THSD7B: variants seen among roughly 807,000 people sequenced by gnomAD.
The protein encoded by THSD7B is thrombospondin type 1 domain containing 7B, also known as thrombospondin type-1 domain-containing protein 7B.
A neutral mutation model predicts 213.6 loss-of-function variants in THSD7B; 138 were observed. The ratio of observed to expected loss-of-function variants is 0.65; its 90% CI spans 0.56 to 0.74. THSD7B has a LOEUF of 0.74. Ranked by LOEUF, THSD7B falls within the 30% of genes least tolerant of loss-of-function variation. The probability of loss-of-function intolerance (pLI) is 0.00; values close to 1 mark genes in which losing one functional copy is unlikely to be tolerated. For synonymous variants in THSD7B, 742 were observed against 687.0 expected (o/e 1.08, Z -1.25); for missense variants, 1,931 against 1,991.5 (o/e 0.97, Z 0.58).
chr2:136,950,873 AC>A (rs1441779353), intron 2 of THSD7B, among the ~76,000 whole-genome samples: 2 of 152,174 alleles, frequency 1.3e-5, no homozygotes, highest in African/African-American at 4.8e-5. Flanking sequence ...GGAAGAAAGG[AC>A]CAAATCAATA....
chr2:137,289,164 G>A (rs1446740448), intron 12 of THSD7B, among the ~76,000 whole-genome samples: 1 of 151,832 alleles, frequency 6.6e-6, no homozygotes, highest in Non-Finnish European at 1.5e-5. Flanking sequence ...AGTATTACAA[G>A]ACATGTTTTT....
intron 1 of THSD7B, among the ~76,000 whole-genome samples, chr2:136,824,583 C>T (rs543839631): frequency 3.9e-5 from 6 of 152,142 alleles, no homozygotes; most frequent in South Asian, 2.1e-4. Context: ...ATGTTACTTG[C>T]GAAATATTTT....
chr2:137,373,862 A>T (rs1222029325), intron 12 of THSD7B, among the ~76,000 whole-genome samples: 1 of 152,120 alleles, frequency 6.6e-6, no homozygotes, highest in Non-Finnish European at 1.5e-5. Flanking sequence ...ATCCATCTTG[A>T]ATTAATTTTT....
intron 12 of THSD7B, among the ~76,000 whole-genome samples, chr2:137,281,938 C>A (rs1683031314): frequency 6.6e-6 from 1 of 152,170 alleles, no homozygotes; most frequent in Middle Eastern, 3.2e-3. Context: ...ATGGCTGGGT[C>A]AAATGGTATT....
chr2:137,320,629 G>A (rs1454195448), intron 12 of THSD7B, among the ~76,000 whole-genome samples: 1 of 152,160 alleles, frequency 6.6e-6, no homozygotes, highest in Non-Finnish European at 1.5e-5. Flanking sequence ...TATTTAAATG[G>A]AATAATAAGT....
At chr2:137,436,424 C>G (rs891517237) in intron 14 of THSD7B, among the ~76,000 whole-genome samples, 3 of 152,130 alleles carry the variant, frequency 2.0e-5, no homozygotes, top group Non-Finnish European at 4.4e-5. Context: ...AATGTCAGAG[C>G]CTGTTTTGTC....
At chr2:136,857,219 C>T (rs1031406221) in intron 1 of THSD7B, among the ~76,000 whole-genome samples, 1 of 152,184 alleles carries the variant, frequency 6.6e-6, no homozygotes, top group Non-Finnish European at 1.5e-5. Context: ...GTTATATGAT[C>T]AAGTTTACAT....
At chr2:136,944,967 C>T (rs1187001668) in intron 2 of THSD7B, among the ~76,000 whole-genome samples, 1 of 152,114 alleles carries the variant, frequency 6.6e-6, no homozygotes, top group Non-Finnish European at 1.5e-5. Context: ...TTAGTTGATG[C>T]AGTTTCTTTG....
chr2:137,303,179 C>T (rs969486223), intron 12 of THSD7B, among the ~76,000 whole-genome samples: 34 of 152,134 alleles, frequency 2.2e-4, no homozygotes, highest in African/African-American at 8.2e-4. Flanking sequence ...CACTGCCGCA[C>T]ATGGCTAACT....
At chr2:136,835,593 C>T (rs1573661089) in intron 1 of THSD7B, among the ~76,000 whole-genome samples, 1 of 152,210 alleles carries the variant, frequency 6.6e-6, no homozygotes, top group South Asian at 2.1e-4. Flanking sequence ...TCCCTCTACA[C>T]TCTGTGGGAA....
chr2:136,964,793 G>T (rs141268314), intron 2 of THSD7B, among the ~76,000 whole-genome samples: 2,495 of 152,126 alleles, frequency 0.016, 32 homozygotes, highest in Middle Eastern at 0.02. Context: ...ATGAGGTCAG[G>T]AGTTTGAGAC....
At chr2:137,351,702 G>C (rs1204238785) in intron 12 of THSD7B, among the ~76,000 whole-genome samples, 1 of 151,970 alleles carries the variant, frequency 6.6e-6, no homozygotes, top group Non-Finnish European at 1.5e-5. Context: ...ATAAGAGGTA[G>C]AGGGAAAGCT....
intron 15 of THSD7B, among the ~76,000 whole-genome samples, chr2:137,457,625 A>C (rs1442651985): frequency 6.6e-6 from 1 of 152,208 alleles, no homozygotes; most frequent in Non-Finnish European, 1.5e-5. Flanking sequence ...CAAGTGCTTC[A>C]AGTAGAAGCT....
chr2:137,348,703 C>CTTTTTT (rs80150345), intron 12 of THSD7B, among the ~76,000 whole-genome samples: 13 of 110,902 alleles, frequency 1.2e-4, no homozygotes, highest in African/African-American at 2.0e-4. Context: ...CTATGAACTC[C>CTTTTTT]TTTTTTTTTT....
chr2:137,160,007 G>T (rs898718348), intron 5 of THSD7B, among the ~76,000 whole-genome samples: 1 of 152,176 alleles, frequency 6.6e-6, no homozygotes, highest in African/African-American at 2.4e-5. Context: ...CATGCACTTT[G>T]CCTCTGTCTT....
chr2:137,149,736 C>G (rs1289697171), intron 5 of THSD7B, among the ~76,000 whole-genome samples: 9 of 152,128 alleles, frequency 5.9e-5, no homozygotes. Flanking sequence ...TTCATTTTGG[C>G]CAATTTTTCC....
intron 14 of THSD7B, among the ~76,000 whole-genome samples, chr2:137,416,348 G>T (rs1332841608): frequency 6.6e-6 from 1 of 152,138 alleles, no homozygotes; most frequent in Non-Finnish European, 1.5e-5. Context: ...ACTTCACCTG[G>T]CATGCCCTTT....
At chr2:137,170,474 C>T (rs777200901) in intron 6 of THSD7B, among the ~76,000 whole-genome samples, 1 of 152,166 alleles carries the variant, frequency 6.6e-6, no homozygotes, top group Non-Finnish European at 1.5e-5. Context: ...ACTTACGCTA[C>T]TTATTATTCC....
chr2:136,949,095 C>G (rs1684991139), intron 2 of THSD7B, among the ~76,000 whole-genome samples: 1 of 152,070 alleles, frequency 6.6e-6, no homozygotes, highest in Non-Finnish European at 1.5e-5. Context: ...GTTTGAATGG[C>G]CTTTTGGAAA....
Sources: gnomAD v4.1 joint callset for allele counts (sites outside exome capture counted in the v4.1 genomes callset) on GRCh38, gnomAD v4.1.1 for gene constraint, MANE v1.5 for transcripts, NCBI Gene and HGNC (gene_info 2026-07-23, HGNC 2026-07-21) for gene names.